Variants in ABCB10 observed in about 807,000 individuals in gnomAD.
ABCB10 encodes ATP binding cassette subfamily B member 10.
ABCB10 carries 54 observed loss-of-function variants against 65.4 expected under a neutral mutation model. The observed-to-expected ratio is 0.83, with a 90% CI of 0.66 to 1.04. The LOEUF (loss-of-function observed/expected upper bound fraction) is 1.04, where lower values mean the gene tolerates loss of function less well. Among genes scored for constraint, ABCB10 ranks in the 50% least tolerant of loss-of-function variants. ABCB10 has a pLI of 0.00. For missense variants in ABCB10, 846 were observed against 976.6 expected, an observed-to-expected ratio of 0.87 and a Z score of 1.78; for synonymous variants, 418 against 406.5, an observed-to-expected ratio of 1.03 and a Z score of -0.34.
chr1:229,519,633 CA>C (rs1419641329), intron 11 of ABCB10, among the ~76,000 whole-genome samples: 1 of 151,966 alleles, frequency 6.6e-6, no homozygotes, highest in Non-Finnish European at 1.5e-5. Flanking sequence ...ACTAAAAATA[CA>C]AAAAAATTAG....
intron 8 of ABCB10, among the ~76,000 whole-genome samples, chr1:229,527,969 C>T (rs570505254): frequency 2.0e-5 from 3 of 152,280 alleles, no homozygotes; most frequent in Non-Finnish European, 1.5e-5. Flanking sequence ...AGAATCTGGT[C>T]GATACCATGG....
chr1:229,540,721 G>GT lies in ABCB10; in HGVS notation c.1087dup (p.Thr363AsnfsTer11). The GT allele has an allele frequency of 6.2e-7, 1 of 1,613,604 alleles. No individual in the cohort carries two copies. On this transcript the variant is annotated frameshift_variant, in exon 5 of 13. Transcript: ENST00000344517. LOFTEE classifies it high-confidence loss of function. ...CATTTCTTTCCCAAAAGCTCGAACA[G>GT]TTCTTACATTTCCAATACGTTCCTC...
intron 8 of ABCB10, among the ~76,000 whole-genome samples, chr1:229,529,614 G>A (rs1400810702): frequency 2.1e-5 from 3 of 142,908 alleles, no homozygotes; most frequent in Non-Finnish European, 4.5e-5. Context: ...AGCTTGCAGT[G>A]AGCTGAGATC....
chr1:229,530,782 C>T (rs1662566620), intron 7 of ABCB10, among the ~76,000 whole-genome samples: 1 of 152,230 alleles, frequency 6.6e-6, no homozygotes, highest in Admixed American at 6.5e-5. Context: ...CGATGGCCTT[C>T]TCTCTATGCC....
At chr1:229,551,242 C>T (rs888559482) in intron 1 of ABCB10, among the ~76,000 whole-genome samples, 3 of 151,980 alleles carry the variant, frequency 2.0e-5, no homozygotes, top group Non-Finnish European at 4.4e-5. Flanking sequence ...TTATAAAGTC[C>T]CCTCCCCAAA....
chr1:229,526,235 T>C (rs1662441914), intron 9 of ABCB10, 119 bp from the exon 10 acceptor site: 1 of 1,032,104 alleles, frequency 9.7e-7, no homozygotes, highest in South Asian at 1.8e-5. Flanking sequence ...GATTTTATCA[T>C]CTGTAGTTCT....
chr1:229,531,566 G>A, intron 7 of ABCB10, 70 bp downstream of exon 7: 41 of 1,457,954 alleles, frequency 2.8e-5, no homozygotes, highest in Non-Finnish European at 3.8e-5. Flanking sequence ...TTGCAGACAG[G>A]GGAAGAGCTG....
Position 229,521,563 on chromosome 1 carries a change from A to G in ABCB10, c.1950+29T>C, listed in dbSNP as rs371797996. 4.4e-4 allele frequency: 698 copies of G among 1,576,030 alleles called. 1 individual carries two copies. The highest frequency in any genetic ancestry group is 5.7e-4 in the Non-Finnish European group (667 of 1,160,968). On this transcript the variant is annotated intron_variant, in intron 11 of 12. Transcript: ENST00000344517. ...CCCTAATAAAAATAATCCCTAATTT[A>G]AAAAACATCCAAGTCGCTTCAGGCT...
At chr1:229,533,150 A>T (rs898617600) in intron 6 of ABCB10, among the ~76,000 whole-genome samples, 5 of 150,576 alleles carry the variant, frequency 3.3e-5, no homozygotes, top group Middle Eastern at 3.4e-3. Context: ...CATTATTATT[A>T]TTTTTTTTTG....
At chr1:229,553,680 G>A (rs1398735364) in intron 1 of ABCB10, among the ~76,000 whole-genome samples, 1 of 151,276 alleles carries the variant, frequency 6.6e-6, no homozygotes, top group Non-Finnish European at 1.5e-5. Flanking sequence ...TAGGAGGGCC[G>A]TTTTGAGGTT....
rs1356784379 is a variant in ABCB10 at position 229,549,288 on chromosome 1, A to C, written c.664T>G (p.Phe222Val). The C allele has an allele frequency of 1.2e-6, 2 of 1,614,020 alleles. No homozygotes were observed. Among genetic ancestry groups the C allele is most frequent in the African/African-American group, 2.7e-5 (2 of 74,914 alleles). The change falls in exon 2 of 13, where the codon TTT becomes GTT. Residue 222 changes from phenylalanine (F) to valine (V), a missense_variant. By Grantham distance (50) the Phe-to-Val change is conservative. Transcript: ENST00000344517. ...TRLCLGLSAV[F>V]LCGAAANAIR... is the part of the protein sequence containing the mutation. ...GCATTGGCGGCAGCACCACACAGAA[A>C]CACGGCACTGAGCCCTAGGCAGAGG...
chr1:229,546,504 T>C (rs1226875464), intron 3 of ABCB10, among the ~76,000 whole-genome samples: 4 of 152,132 alleles, frequency 2.6e-5, no homozygotes, highest in African/African-American at 9.7e-5. Flanking sequence ...AAATACCTCA[T>C]TAATAATTTT....
intron 10 of ABCB10, among the ~76,000 whole-genome samples, chr1:229,521,839 T>C (rs535139451): frequency 2.0e-5 from 3 of 152,350 alleles, no homozygotes; most frequent in South Asian, 4.1e-4. Flanking sequence ...CCAAAATGTA[T>C]TGATGACTTC....
intron 1 of ABCB10, among the ~76,000 whole-genome samples, chr1:229,555,551 A>C (rs1318373250): frequency 6.6e-6 from 1 of 152,264 alleles, no homozygotes; most frequent in Non-Finnish European, 1.5e-5. Flanking sequence ...GATGCAATCA[A>C]AGTTTTCTGT....
At chr1:229,542,066 G>A (rs576682447) in intron 4 of ABCB10, among the ~76,000 whole-genome samples, 171 bp downstream of exon 4, 19 of 152,152 alleles carry the variant, frequency 1.2e-4, no homozygotes, top group Non-Finnish European at 2.5e-4. Flanking sequence ...TAGAAATCTA[G>A]TCTAGAAAAC....
At chr1:229,539,008 A>G (rs1013421016) in intron 6 of ABCB10, among the ~76,000 whole-genome samples, 1 of 152,164 alleles carries the variant, frequency 6.6e-6, no homozygotes, top group African/African-American at 2.4e-5. Flanking sequence ...ATATTTTTTG[A>G]TTGCTCATTA....
At position 229,541,908 on chromosome 1, in the gene ABCB10, C is replaced by T. The variant is rs550604912; in HGVS notation, c.1056+329G>A. Among the ~76,000 whole-genome samples the T allele has an allele frequency of 2.1e-5, 3 of 145,818 alleles. No individual in the cohort carries two copies. The South Asian group carries it at 6.5e-4, about 31-fold the overall frequency. ...AAGCTGTGATTGTACCACTGCGCTC[C>T]AGCCTAGAGTGCATGAAAAAACTTT... On this transcript the variant is annotated intron_variant, in intron 4 of 12. Coordinates refer to ENST00000344517, the MANE Select transcript of ABCB10 (RefSeq NM_012089.3).
At chr1:229,523,296 A>T (rs1662359554) in intron 10 of ABCB10, among the ~76,000 whole-genome samples, 1 of 152,232 alleles carries the variant, frequency 6.6e-6, no homozygotes, top group Non-Finnish European at 1.5e-5. Context: ...TCATACTTGG[A>T]AAGTCTCAGA....
intron 11 of ABCB10, among the ~76,000 whole-genome samples, chr1:229,520,548 A>G (rs1335955781): frequency 6.6e-6 from 1 of 152,112 alleles, no homozygotes; most frequent in Admixed American, 6.5e-5. Flanking sequence ...TGATGTAGAT[A>G]AAACATTACA....
Sources: gnomAD v4.1 joint callset for allele counts (sites outside exome capture counted in the v4.1 genomes callset) on GRCh38, gnomAD v4.1.1 for gene constraint, MANE v1.5 for transcripts, NCBI Gene and HGNC (gene_info 2026-07-23, HGNC 2026-07-21) for gene names.